Variants in CLSTN2 observed in about 807,000 individuals in gnomAD.
CLSTN2 encodes the protein calsyntenin 2, also known as calsyntenin-2.
Under a neutral mutation model 101.2 loss-of-function variants are expected in CLSTN2, and 48 were observed. The ratio of observed to expected loss-of-function variants is 0.47; its 90% CI spans 0.38 to 0.60. CLSTN2 has a LOEUF of 0.60. Ranked by LOEUF, CLSTN2 falls within the 20% of genes least tolerant of loss-of-function variation. The pLI is 0.00. For synonymous variants in CLSTN2, 481 were observed against 463.6 expected (o/e 1.04, Z -0.48); for missense variants, 1,160 against 1,238.2 (o/e 0.94, Z 0.95).
chr3:140,057,613 G>A (rs1320635743), intron 1 of CLSTN2, among the ~76,000 whole-genome samples: 1 of 152,112 alleles, frequency 6.6e-6, no homozygotes, highest in Non-Finnish European at 1.5e-5. Context: ...GCATCCTCGA[G>A]AGCAAATGTA....
chr3:139,953,707 A>G (rs1402911844), intron 1 of CLSTN2, among the ~76,000 whole-genome samples: 3 of 152,190 alleles, frequency 2.0e-5, no homozygotes, highest in Non-Finnish European at 1.5e-5. Context: ...GTGTCTGGGC[A>G]TCTCCAAGAG....
chr3:140,156,917 G>T (rs955174384), intron 1 of CLSTN2, among the ~76,000 whole-genome samples: 21 of 152,056 alleles, frequency 1.4e-4, no homozygotes, highest in African/African-American at 5.1e-4. Flanking sequence ...CTTGGTGTTT[G>T]CCTCTCGGAG....
intron 8 of CLSTN2, among the ~76,000 whole-genome samples, chr3:140,494,503 G>T (rs958481141): frequency 6.6e-6 from 1 of 152,122 alleles, no homozygotes; most frequent in African/African-American, 2.4e-5. Context: ...AGGATATGCA[G>T]GCTTGTTACA....
intron 5 of CLSTN2, among the ~76,000 whole-genome samples, chr3:140,428,513 G>A (rs972261056): frequency 8.6e-5 from 13 of 151,874 alleles, no homozygotes; most frequent in African/African-American, 1.5e-4. Context: ...CAGCTTTTCT[G>A]TGTCTGAGGC....
chr3:140,458,201 A>T (rs1263175819), intron 6 of CLSTN2, among the ~76,000 whole-genome samples: 16 of 149,598 alleles, frequency 1.1e-4, no homozygotes, highest in African/African-American at 4.0e-4. Context: ...CTGACTTTGG[A>T]ACCCAAACCC....
chr3:140,195,544 A>T (rs1382388083), intron 2 of CLSTN2, among the ~76,000 whole-genome samples: 2 of 152,102 alleles, frequency 1.3e-5, no homozygotes, highest in Non-Finnish European at 1.5e-5. Flanking sequence ...AATGGTTATG[A>T]GAAAAAAATA....
chr3:140,360,561 G>A (rs1171677127), intron 2 of CLSTN2, among the ~76,000 whole-genome samples: 1 of 152,102 alleles, frequency 6.6e-6, no homozygotes, highest in Non-Finnish European at 1.5e-5. Context: ...AACGTGCTGT[G>A]CAACCAGAAG....
rs13327210 is a variant in CLSTN2 at position 140,488,747 on chromosome 3, C to T, written c.1344+22016C>T. ...ACAGAAGTATGGCAAACAGAACTGA[C>T]AAACAGAAAATCACATTCAGATTGT... On this transcript the variant is annotated intron_variant, in intron 8 of 16. Coordinates refer to ENST00000458420, the MANE Select transcript of CLSTN2 (RefSeq NM_022131.3). Among the ~76,000 whole-genome samples the T allele has an allele frequency of 2.8e-3, 387 of 136,046 alleles. 3 individuals carry two copies. The highest frequency in any genetic ancestry group is 0.01 in the African/African-American group (366 of 36,266). The allele number at this position is 136,046 out of a possible 152,430, so 89.3% of individuals were successfully genotyped here.
intron 2 of CLSTN2, among the ~76,000 whole-genome samples, chr3:140,236,088 A>G (rs1272130364): frequency 1.3e-5 from 2 of 152,108 alleles, no homozygotes; most frequent in African/African-American, 4.8e-5. Context: ...CAGATTTGGA[A>G]TTGGTGATTT....
rs937092565 is a variant in CLSTN2 at position 140,576,266 on chromosome 3, G to A, written c.*10013G>A. The A allele has an allele frequency of 5.3e-5, 8 of 152,192 alleles. No homozygotes were observed. The highest frequency in any genetic ancestry group is 1.9e-4 in the African/African-American group (8 of 41,456). 9.4% of individuals were successfully genotyped at this position (152,192 alleles called of 1,614,324 possible). On this transcript the variant is annotated 3_prime_UTR_variant, in exon 17 of 17. Coordinates refer to ENST00000458420, the MANE Select transcript of CLSTN2 (RefSeq NM_022131.3). ...CAGTGGGTTTGCATGCACCTAGACTGCATCTGCTGAACACCCAACAGCTGT... is the reference window on the plus strand; with the variant it reads ...CAGTGGGTTTGCATGCACCTAGACTACATCTGCTGAACACCCAACAGCTGT...
intron 1 of CLSTN2, among the ~76,000 whole-genome samples, chr3:139,966,131 T>C (rs1386690003): frequency 6.6e-6 from 1 of 152,164 alleles, no homozygotes; most frequent in Non-Finnish European, 1.5e-5. Flanking sequence ...ACAGGGCCAG[T>C]GTTGTTATCC....
intron 8 of CLSTN2, among the ~76,000 whole-genome samples, chr3:140,513,626 A>T (rs1270297150): frequency 4.0e-5 from 4 of 101,122 alleles, no homozygotes; most frequent in African/African-American, 1.6e-4. Context: ...CCAGATTTTG[A>T]TATCAGGATG....
rs115855373 is a variant in CLSTN2 at position 140,258,080 on chromosome 3, T to C, written c.232+82007T>C. On this transcript the variant is annotated intron_variant, in intron 2 of 16. Coordinates refer to ENST00000458420, the MANE Select transcript of CLSTN2 (RefSeq NM_022131.3). ...TCTCATTTCTGTTTTAATTTGTTAT[T>C]CTTTAATGATTGAGCATTTTTCCTA... Among the ~76,000 whole-genome samples, 191 of 152,332 alleles carry C rather than the reference T, an allele frequency of 1.3e-3. 1 individual carries two copies. The highest frequency in any genetic ancestry group is 4.6e-3 in the African/African-American group (190 of 41,592).
chr3:140,408,427 G>A (rs992563463), intron 4 of CLSTN2, among the ~76,000 whole-genome samples: 14 of 152,076 alleles, frequency 9.2e-5, no homozygotes, highest in African/African-American at 3.4e-4. Flanking sequence ...CCTAGTGACT[G>A]CTCTGCATGG....
chr3:140,188,679 TA>T (rs1281830926), intron 2 of CLSTN2, among the ~76,000 whole-genome samples: 1 of 152,220 alleles, frequency 6.6e-6, no homozygotes, highest in Non-Finnish European at 1.5e-5. Flanking sequence ...ATTGGGTGAT[TA>T]TTTTTTAAGA....
At chr3:140,545,168 A>G (rs1935562401) in intron 9 of CLSTN2, among the ~76,000 whole-genome samples, 1 of 152,174 alleles carries the variant, frequency 6.6e-6, no homozygotes. Context: ...CCCACCCCCA[A>G]GCTGAGGTCT....
intron 2 of CLSTN2, among the ~76,000 whole-genome samples, chr3:140,292,273 A>G (rs1443800835): frequency 6.6e-6 from 1 of 152,078 alleles, no homozygotes; most frequent in Admixed American, 6.5e-5. Context: ...CTGTTGCCTC[A>G]TTCTTCCCAT....
At chr3:140,070,394 T>A (rs766810240) in intron 1 of CLSTN2, among the ~76,000 whole-genome samples, 2 of 152,230 alleles carry the variant, frequency 1.3e-5, no homozygotes, top group Admixed American at 6.5e-5. Flanking sequence ...TGTATTAAAC[T>A]AGGAGGTTGA....
intron 8 of CLSTN2, among the ~76,000 whole-genome samples, chr3:140,469,165 G>C (rs74714884): frequency 7.9e-5 from 12 of 152,176 alleles, no homozygotes; most frequent in African/African-American, 2.4e-4. Context: ...ACCTACTCAA[G>C]GTCCTAGCTC....
Sources: gnomAD v4.1 joint callset for allele counts (sites outside exome capture counted in the v4.1 genomes callset) on GRCh38, gnomAD v4.1.1 for gene constraint, MANE v1.5 for transcripts, NCBI Gene and HGNC (gene_info 2026-07-23, HGNC 2026-07-21) for gene names.